Variants in CTNNA3 observed in about 807,000 individuals in gnomAD.
CTNNA3 encodes the protein catenin alpha-3.
Under a neutral mutation model 95.7 loss-of-function variants are expected in CTNNA3, and 76 were observed. That is an observed-to-expected ratio of 0.79 (90% CI 0.66 to 0.96). The LOEUF is 0.96. Ranked by LOEUF, CTNNA3 falls within the 40% of genes least tolerant of loss-of-function variation. The probability of loss-of-function intolerance (pLI) is 0.00; values close to 1 mark genes in which losing one functional copy is unlikely to be tolerated. For missense variants in CTNNA3, 1,191 were observed against 1,089.8 expected, an observed-to-expected ratio of 1.09 and a Z score of -1.31; for synonymous variants, 431 against 374.4, an observed-to-expected ratio of 1.15 and a Z score of -1.74.
chr10:66,981,646 T>C (rs2025072559), intron 7 of CTNNA3, among the ~76,000 whole-genome samples: 1 of 152,240 alleles, frequency 6.6e-6, no homozygotes, highest in South Asian at 2.1e-4. Context: ...ATTGCACATA[T>C]TGAATGGCAG....
At chr10:66,473,640 T>A (rs2131881360) in intron 11 of CTNNA3, among the ~76,000 whole-genome samples, 1 of 152,178 alleles carries the variant, frequency 6.6e-6, no homozygotes, top group Non-Finnish European at 1.5e-5. Context: ...ACATTAGGCA[T>A]ATCTCCTAAT....
At chr10:66,978,960 CTTTTTTTTTT>C (rs34112681) in intron 7 of CTNNA3, among the ~76,000 whole-genome samples, 1 of 83,782 alleles carries the variant, frequency 1.2e-5, no homozygotes, top group African/African-American at 4.5e-5. Context: ...TACTTATTTC[CTTTTTTTTTT>C]TTTTTTTTTT....
intron 13 of CTNNA3, among the ~76,000 whole-genome samples, chr10:66,233,978 A>G (rs1424734942): frequency 6.6e-6 from 1 of 152,182 alleles, no homozygotes; most frequent in Non-Finnish European, 1.5e-5. Flanking sequence ...TTTTGAATAA[A>G]ATAAACCTGT....
chr10:66,964,366 C>T (rs1384115506), intron 7 of CTNNA3, among the ~76,000 whole-genome samples: 1 of 151,614 alleles, frequency 6.6e-6, no homozygotes, highest in Admixed American at 6.6e-5. Context: ...ATAAATCACT[C>T]TACCTTGTTT....
chr10:66,613,975 C>T (rs888641416), intron 10 of CTNNA3, among the ~76,000 whole-genome samples: 3 of 151,992 alleles, frequency 2.0e-5, no homozygotes, highest in East Asian at 1.9e-4. Context: ...GCTTTCAGTT[C>T]GCAGATATGA....
At chr10:67,126,086 C>T (rs1183329740) in intron 7 of CTNNA3, among the ~76,000 whole-genome samples, 1 of 152,126 alleles carries the variant, frequency 6.6e-6, no homozygotes, top group Non-Finnish European at 1.5e-5. Context: ...AAGTGTCTTT[C>T]AGCATAAAAG....
intron 7 of CTNNA3, among the ~76,000 whole-genome samples, chr10:67,046,059 A>G (rs899632844): frequency 1.6e-4 from 24 of 152,284 alleles, no homozygotes; most frequent in Admixed American, 2.6e-4. Context: ...CAAATTTCAG[A>G]CTGCCTTATG....
intron 13 of CTNNA3, among the ~76,000 whole-genome samples, chr10:66,262,676 G>T (rs2091040419): frequency 6.6e-6 from 1 of 151,886 alleles, no homozygotes; most frequent in African/African-American, 2.4e-5. Context: ...TTATTGAGAA[G>T]CAATTAGCCC....
rs1429700255 is a variant in CTNNA3 at position 65,913,448 on chromosome 10, T to C, written c.*6882A>G. 1 of 152,106 alleles carries C rather than the reference T, an allele frequency of 6.6e-6. No individual in the cohort carries two copies. Among genetic ancestry groups the C allele is most frequent in the Non-Finnish European group, 1.5e-5 (1 of 68,012 alleles). The allele number at this position is 152,106 out of a possible 1,614,324, so 9.4% of individuals were successfully genotyped here. A position where few individuals can be genotyped will look rare whatever the true frequency, so the allele number is the denominator to read the frequency against. On this transcript the variant is annotated 3_prime_UTR_variant, in exon 18 of 18. Coordinates refer to ENST00000433211, the MANE Select transcript of CTNNA3 (RefSeq NM_013266.4). The stretch of plus-strand genomic sequence containing the variant: ...GGAGGAGAAATTATTATGCTACCAT[T>C]TAGGTCTAAGGAAATTTTCTTTGGA...
At position 66,812,746 on chromosome 10, in the gene CTNNA3, C is replaced by A. The variant is rs191439164; in HGVS notation, c.1048-37222G>T. 1.4e-3 allele frequency among the ~76,000 whole-genome samples: 220 copies of A among 152,170 alleles called. 1 individual carries two copies. Among genetic ancestry groups the A allele is most frequent in the African/African-American group, 5.1e-3 (213 of 41,542 alleles). ...CAGGAAAGTCCTTTTATTTCTCTGG[C>A]TTGCTTTCTTCATCACTAACAATGG... On this transcript the variant is annotated intron_variant, in intron 7 of 17. Coordinates refer to ENST00000433211, the MANE Select transcript of CTNNA3 (RefSeq NM_013266.4).
At chr10:66,182,180 G>C (rs1386547394) in intron 13 of CTNNA3, among the ~76,000 whole-genome samples, 1 of 151,622 alleles carries the variant, frequency 6.6e-6, no homozygotes, top group African/African-American at 2.4e-5. Flanking sequence ...TTACAATCAA[G>C]TATGGGAGCC....
chr10:66,806,281 GTGTGTGTGTGTA>G (rs1039135061), intron 7 of CTNNA3, among the ~76,000 whole-genome samples: 1 of 148,244 alleles, frequency 6.7e-6, no homozygotes, highest in Admixed American at 6.8e-5. Flanking sequence ...GTGTGTGTGT[GTGTGTGTGTGTA>G]TATATACTCA....
intron 1 of CTNNA3, among the ~76,000 whole-genome samples, chr10:67,738,328 A>C (rs1174210199): frequency 1.3e-5 from 2 of 152,360 alleles, no homozygotes; most frequent in East Asian, 3.9e-4. Context: ...GGCCTCCAGC[A>C]AACTCCAACA....
At chr10:66,573,238 G>A (rs1470890802) in intron 10 of CTNNA3, among the ~76,000 whole-genome samples, 1 of 152,096 alleles carries the variant, frequency 6.6e-6, no homozygotes, top group African/African-American at 2.4e-5. Context: ...TTCAGTGTTA[G>A]GCCTAGCCGA....
intron 12 of CTNNA3, among the ~76,000 whole-genome samples, chr10:66,348,649 G>C (rs1052933503): frequency 6.6e-6 from 1 of 152,044 alleles, no homozygotes; most frequent in Non-Finnish European, 1.5e-5. Flanking sequence ...TACAAAAAGA[G>C]ACATACATTT....
chr10:66,298,252 C>T (rs1262819889), intron 12 of CTNNA3, among the ~76,000 whole-genome samples: 1 of 152,096 alleles, frequency 6.6e-6, no homozygotes, highest in Non-Finnish European at 1.5e-5. Context: ...TCATTTTGAA[C>T]ACATACCATA....
chr10:66,863,547 G>A (rs1305178607), intron 7 of CTNNA3, among the ~76,000 whole-genome samples: 1 of 152,162 alleles, frequency 6.6e-6, no homozygotes, highest in African/African-American at 2.4e-5. Context: ...AGCTGGAGAA[G>A]ATGAAATAAG....
chr10:67,200,367 A>G (rs554146037), intron 6 of CTNNA3, among the ~76,000 whole-genome samples: 1 of 152,328 alleles, frequency 6.6e-6, no homozygotes, highest in South Asian at 2.1e-4. Flanking sequence ...CAACTTCTCA[A>G]TTTAAGGGGA....
chr10:67,738,332 T>A (rs1377143610), intron 1 of CTNNA3, among the ~76,000 whole-genome samples: 1 of 151,936 alleles, frequency 6.6e-6, no homozygotes, highest in African/African-American at 2.4e-5. Flanking sequence ...TCCAGCAAAC[T>A]CCAACAGACC....
Sources: allele counts gnomAD v4.1 joint callset (sites outside exome capture counted in the v4.1 genomes callset), GRCh38; gene constraint gnomAD v4.1.1; transcripts MANE v1.5; gene names NCBI Gene and HGNC (gene_info 2026-07-23, HGNC 2026-07-21).